ZNF362: variants seen among roughly 807,000 people sequenced by gnomAD.
ZNF362 encodes rotund homolog.
A neutral mutation model predicts 42.9 loss-of-function variants in ZNF362; 11 were observed. The ratio of observed to expected loss-of-function variants is 0.26; its 90% CI spans 0.16 to 0.42. ZNF362 has a LOEUF of 0.42. Among genes scored for constraint, ZNF362 ranks in the 20% least tolerant of loss-of-function variants. The pLI, the probability that ZNF362 is intolerant of heterozygous loss-of-function variation, is 1.00. For synonymous variants in ZNF362, 255 were observed against 257.3 expected, an observed-to-expected ratio of 0.99 and a Z score of 0.09; for missense variants, 362 against 576.2, an observed-to-expected ratio of 0.63 and a Z score of 3.81.
chr1:33,142,498 A>G, the ZNF362 span: 1 of 152,296 alleles, frequency 6.6e-6, no homozygotes, highest in Admixed American at 6.5e-5. Flanking sequence ...GGCCCTGGCA[A>G]TTAATCAACT....
At chr1:33,130,517 G>A in the ZNF362 span, among the ~76,000 whole-genome samples, 399 of 152,238 alleles carry the variant, frequency 2.6e-3, 5 homozygotes, top group Middle Eastern at 0.01. Flanking sequence ...AAGGACTTGA[G>A]GACTTCTAAC....
chr1:33,140,616 C>T, the ZNF362 span, among the ~76,000 whole-genome samples: 1 of 152,338 alleles, frequency 6.6e-6, no homozygotes, highest in Non-Finnish European at 1.5e-5. This position sits in a 1 kb window ranked among gnomAD's most constrained non-coding sequence, Gnocchi z 4.0. Flanking sequence ...CAGGGAACCC[C>T]CTTGGGCCAT....
the ZNF362 span, among the ~76,000 whole-genome samples, chr1:33,204,325 G>T: frequency 6.6e-6 from 1 of 151,974 alleles, no homozygotes; most frequent in Non-Finnish European, 1.5e-5. Context: ...TGTTCCATTT[G>T]TCTATGTGTC....
the ZNF362 span, chr1:33,181,545 C>G: frequency 7.0e-7 from 1 of 1,437,728 alleles, no homozygotes. The surrounding 1 kb of genome is among the most constrained non-coding windows in gnomAD (Gnocchi z 6.5). Context: ...CCCGCACAGG[C>G]AGGGGTAGGA....
At chr1:33,178,572 G>A in the ZNF362 span, among the ~76,000 whole-genome samples, 1 of 152,238 alleles carries the variant, frequency 6.6e-6, no homozygotes, top group East Asian at 1.9e-4. Context: ...AGCCCGTACT[G>A]TGTGCCTTTG....
the ZNF362 span, among the ~76,000 whole-genome samples, chr1:33,241,041 A>G: frequency 6.6e-6 from 1 of 150,754 alleles, no homozygotes; most frequent in Non-Finnish European, 1.5e-5. Context: ...GGTAATCCAA[A>G]GGGGGAATCT....
chr1:33,232,202 AG>A, the ZNF362 span, among the ~76,000 whole-genome samples: 1 of 152,180 alleles, frequency 6.6e-6, no homozygotes, highest in East Asian at 1.9e-4. Flanking sequence ...ATGGGACCTA[AG>A]GGGAAGTCTG....
the ZNF362 span, among the ~76,000 whole-genome samples, chr1:33,240,557 T>C: frequency 2.0e-5 from 3 of 152,228 alleles, no homozygotes; most frequent in African/African-American, 7.2e-5. Flanking sequence ...TCGTAAATGT[T>C]AGGTTCAAAG....
At chr1:33,160,566 G>A in the ZNF362 span, among the ~76,000 whole-genome samples, 66 of 152,012 alleles carry the variant, frequency 4.3e-4, no homozygotes, top group Non-Finnish European at 8.4e-4. Context: ...CACTATGCCC[G>A]GATAATTTTT....
intron 6 of ZNF362, among the ~76,000 whole-genome samples, chr1:33,287,144 G>C (rs1162624371): frequency 6.6e-6 from 1 of 152,232 alleles, no homozygotes; most frequent in East Asian, 1.9e-4. Flanking sequence ...TGGATTTATA[G>C]AGAAAATAGA....
At chr1:33,278,945 C>T (rs938602842) in intron 4 of ZNF362, among the ~76,000 whole-genome samples, 12 of 152,124 alleles carry the variant, frequency 7.9e-5, no homozygotes, top group Non-Finnish European at 1.3e-4. Context: ...TCTTTGTGCT[C>T]ATGTGGGAAT....
At chr1:33,238,334 A>AAAATAAAATAAAATG in the ZNF362 span, among the ~76,000 whole-genome samples, 1 of 92,824 alleles carries the variant, frequency 1.1e-5, no homozygotes, top group Non-Finnish European at 2.3e-5. Context: ...AACATAAAAT[A>AAAATAAAATAAAATG]AAATAAAATA....
At position 33,256,847 on chromosome 1, in the gene ZNF362, A is replaced by G. The variant is rs867570331; in HGVS notation, c.-89+193A>G. Among the ~76,000 whole-genome samples the G allele has an allele frequency of 2.4e-3, 303 of 125,536 alleles. 4 individuals are homozygous for G. The highest frequency in any genetic ancestry group is 0.015 in the South Asian group (56 of 3,858). 82.4% of individuals were successfully genotyped at this position (125,536 alleles called of 152,430 possible). ...CCAGAGCGGCGGCGGCGGCGGCGGC[A>G]GCGGGGCGCGCGGGGTAGGAAGTGT... On this transcript the variant is annotated intron_variant, in intron 1 of 8. Transcript: ENST00000539719.
chr1:33,199,346 C>A, the ZNF362 span, among the ~76,000 whole-genome samples: 1 of 151,728 alleles, frequency 6.6e-6, no homozygotes, highest in Non-Finnish European at 1.5e-5. Flanking sequence ...ATAAACAATG[C>A]AAACTAAGAG....
chr1:33,147,924 T>C, the ZNF362 span, among the ~76,000 whole-genome samples: 3 of 152,182 alleles, frequency 2.0e-5, no homozygotes, highest in African/African-American at 7.2e-5. The surrounding 1 kb of genome is among the most constrained non-coding windows in gnomAD (Gnocchi z 8.1). Context: ...TTAAGGTCCT[T>C]CCAGATATTG....
At chr1:33,138,413 ACAC>A in the ZNF362 span, among the ~76,000 whole-genome samples, 6 of 152,288 alleles carry the variant, frequency 3.9e-5, no homozygotes, top group African/African-American at 1.4e-4. Flanking sequence ...TGTAATCCCA[ACAC>A]TTTAAGAAGC....
chr1:33,295,401 C>T, intron 8 of ZNF362, 96 bp downstream of exon 8: 3 of 1,423,154 alleles, frequency 2.1e-6, no homozygotes, highest in South Asian at 2.7e-5. Context: ...TCGACTCTTC[C>T]CATTTTCCAG....
chr1:33,211,588 G>A, the ZNF362 span, among the ~76,000 whole-genome samples: 1 of 152,160 alleles, frequency 6.6e-6, no homozygotes, highest in Non-Finnish European at 1.5e-5. Context: ...GGTTTGCAGG[G>A]TTTCTGCAGA....
intron 1 of ZNF362, among the ~76,000 whole-genome samples, chr1:33,269,421 T>C (rs1459013297): frequency 6.6e-6 from 1 of 152,234 alleles, no homozygotes; most frequent in Admixed American, 6.5e-5. Context: ...TTTCTTTTTC[T>C]GACGCAGGTT....
Sources: gnomAD v4.1 joint callset for allele counts (sites outside exome capture counted in the v4.1 genomes callset) on GRCh38, gnomAD v4.1.1 for gene constraint, Gnocchi (gnomAD v3.1) non-coding constraint, MANE v1.5 for transcripts, NCBI Gene and HGNC (gene_info 2026-07-23, HGNC 2026-07-21) for gene names.